EXOC3: variants seen among roughly 807,000 people sequenced by gnomAD.
EXOC3 encodes exocyst complex component 3, also known as SEC6-like 1.
Under a neutral mutation model 73.7 loss-of-function variants are expected in EXOC3, and 21 were observed. The ratio of observed to expected loss-of-function variants is 0.29; its 90% CI spans 0.20 to 0.41. The LOEUF (loss-of-function observed/expected upper bound fraction) is 0.41. EXOC3 is among the 10% of genes least tolerant of loss of function. The pLI is 1.00. For missense variants in EXOC3, 842 were observed against 985.1 expected, an observed-to-expected ratio of 0.85 and a Z score of 1.95; for synonymous variants, 410 against 389.1, an observed-to-expected ratio of 1.05 and a Z score of -0.63.
Position 457,987 on chromosome 5 carries a change from G to T in EXOC3, c.1252G>T (p.Gly418Trp), listed in dbSNP as rs1261712904. ...GACAGAGCCAGAAGCCGACCAGGAC[G>T]GGTACTACCAGACCACACTCCCTGC... ...KETEPEADQD[G>W]YYQTTLPAIV... The change falls in exon 6 of 13, where the codon GGG (glycine) becomes TGG (tryptophan). Residue 418 changes from glycine (G) to tryptophan (W), a missense_variant. By Grantham distance (184) the Gly-to-Trp change is radical. Transcript: ENST00000512944. 1 of 1,612,642 alleles carries T rather than the reference G, an allele frequency of 6.2e-7. No individual in the cohort carries two copies. Among genetic ancestry groups the T allele is most frequent in the Non-Finnish European group, 8.5e-7 (1 of 1,179,308 alleles).
intron 3 of EXOC3, among the ~76,000 whole-genome samples, chr5:450,107 G>A (rs1379260144): frequency 6.6e-5 from 10 of 152,100 alleles, no homozygotes; most frequent in South Asian, 4.2e-4. Context: ...TTAGCCGGGC[G>A]TGGTGGCAGG....
intron 6 of EXOC3, 89 bp from the exon 7 acceptor site, chr5:459,270 C>G: frequency 2.1e-6 from 1 of 465,832 alleles, no homozygotes; most frequent in Non-Finnish European, 3.7e-6. Flanking sequence ...TGCCAGTTAG[C>G]AGATGGAGGT....
At position 465,232 on chromosome 5, in the gene EXOC3, A is replaced by G; in HGVS notation, c.1898A>G (p.Glu633Gly). 6.3e-7 allele frequency: 1 copy of G among 1,592,098 alleles called. No individual in the cohort carries two copies. The highest frequency in any genetic ancestry group is 8.5e-7 in the Non-Finnish European group (1 of 1,169,716). ...RKEGAEKMVR[E>G]AEQLRFLFRK... The stretch of plus-strand genomic sequence containing the variant: ...GAGGGTGCCGAGAAGATGGTTAGGG[A>G]GGCAGAGCAGCTGCGCTTCCTGTTC... Residue 633 changes from glutamate (E) to glycine (G), a missense_variant, in exon 11 of 13, where the codon GAG becomes GGG. Physicochemically the swap from Glu to Gly is moderately conservative, Grantham distance 98. Coordinates refer to ENST00000512944, the MANE Select transcript of EXOC3 (RefSeq NM_007277.5).
At chr5:448,145 G>A (rs1391418273) in intron 3 of EXOC3, among the ~76,000 whole-genome samples, 3 of 152,250 alleles carry the variant, frequency 2.0e-5, no homozygotes, top group African/African-American at 7.2e-5. Flanking sequence ...GACAGAGCAA[G>A]CAGATCCCAG....
At chr5:460,475 CCACT>C (rs1269351233) in intron 7 of EXOC3, among the ~76,000 whole-genome samples, 2 of 152,214 alleles carry the variant, frequency 1.3e-5, no homozygotes, top group African/African-American at 4.8e-5. Flanking sequence ...GCCACGCCGC[CCACT>C]CAGAGTTCCC....
intron 3 of EXOC3, among the ~76,000 whole-genome samples, chr5:452,556 A>C (rs1352797926): frequency 1.3e-5 from 2 of 152,252 alleles, no homozygotes; most frequent in Non-Finnish European, 2.9e-5. Context: ...TGAATGGGCC[A>C]TACTTTCTTC....
At chr5:458,860 CCCTTT>C (rs2126583045) in intron 6 of EXOC3, among the ~76,000 whole-genome samples, 1 of 152,342 alleles carries the variant, frequency 6.6e-6, no homozygotes, top group South Asian at 2.1e-4. Flanking sequence ...CTAGTCCAAA[CCCTTT>C]CCTTTGTTTG....
In EXOC3 at chr5:455,435, G is replaced by A. The variant is rs536370180; in HGVS notation, c.1046+1384G>A. On this transcript the variant is annotated intron_variant, in intron 4 of 12. Coordinates refer to ENST00000512944, the MANE Select transcript of EXOC3 (RefSeq NM_007277.5). ...TAGAAACATTCTCACACGGAATTGAGGTTCTTGGGAAAAATAATCCAGATT... is the reference window on the plus strand; with the variant it reads ...TAGAAACATTCTCACACGGAATTGAAGTTCTTGGGAAAAATAATCCAGATT... 3.7e-4 allele frequency among the ~76,000 whole-genome samples: 56 copies of A among 152,346 alleles called. No individual in the cohort carries two copies. The South Asian group carries it at 0.011, about 30-fold the overall frequency.
chr5:446,309 G>C lies in EXOC3; in HGVS notation c.104G>C (p.Arg35Thr), dbSNP rs904656717. 1.9e-6 allele frequency: 3 copies of C among 1,613,360 alleles called. No homozygotes were observed. The highest frequency in any genetic ancestry group is 1.3e-5 in the African/African-American group (1 of 74,918). ...QLDKVEQYRR[R>T]EARKKASVEA... ...GACAAGGTGGAGCAGTATCGCAGGA[G>C]AGAAGCGCGGAAGAAGGCCTCCGTG... The change falls in exon 2 of 13, where the codon AGA becomes ACA. Residue 35 changes from arginine (R) to threonine (T), a missense_variant. Arg to Thr is a moderately conservative substitution (Grantham distance 71, BLOSUM62 -1). Coordinates refer to ENST00000512944, the MANE Select transcript of EXOC3 (RefSeq NM_007277.5).
At chr5:465,620 G>C in intron 11 of EXOC3, 98 bp from the exon 12 acceptor site, 1 of 1,461,958 alleles carries the variant, frequency 6.8e-7, no homozygotes, top group Non-Finnish European at 9.4e-7. Context: ...AGGTGAAGAG[G>C]GAGGTTCCCA....
intron 4 of EXOC3, among the ~76,000 whole-genome samples, chr5:456,402 G>A (rs951155085): frequency 6.9e-6 from 1 of 144,778 alleles, no homozygotes; most frequent in Non-Finnish European, 1.5e-5. Context: ...CTGTGGGGGC[G>A]GCTGTGCTTG....
At chr5:452,913 G>A (rs1042307220) in intron 3 of EXOC3, among the ~76,000 whole-genome samples, 1 of 152,248 alleles carries the variant, frequency 6.6e-6, no homozygotes, top group African/African-American at 2.4e-5. Flanking sequence ...GGAGCTCTGT[G>A]GGGGTGAGGA....
chr5:446,119 A>C, intron 1 of EXOC3, 31 bp from the exon 2 acceptor site: 1 of 1,523,734 alleles, frequency 6.6e-7, no homozygotes. Context: ...TTTTGTACCT[A>C]ACATTTCTAC....
intron 6 of EXOC3, among the ~76,000 whole-genome samples, chr5:458,479 C>T (rs1172126831): frequency 2.0e-5 from 3 of 152,242 alleles, no homozygotes; most frequent in Non-Finnish European, 4.4e-5. Context: ...TCTTGGCTTA[C>T]TGCAATCTCT....
intron 12 of EXOC3, chr5:466,060 A>G: frequency 9.1e-6 from 3 of 330,710 alleles, no homozygotes; most frequent in South Asian, 3.2e-5. Flanking sequence ...GGGTGGGTGG[A>G]GCTCGAGGGG....
chr5:464,837 G>T (rs1738092228), intron 10 of EXOC3: 1 of 529,752 alleles, frequency 1.9e-6, no homozygotes, highest in African/African-American at 1.9e-5. Context: ...GGGCCTGTCT[G>T]TGGACCGAGT....
intron 4 of EXOC3, among the ~76,000 whole-genome samples, chr5:455,821 G>T (rs1403377184): frequency 1.3e-5 from 2 of 151,990 alleles, no homozygotes; most frequent in Non-Finnish European, 2.9e-5. Context: ...AGCCAGGATG[G>T]TCTCAATCTC....
chr5:465,387 G>A, intron 11 of EXOC3, 115 bp downstream of exon 11: 1 of 1,222,900 alleles, frequency 8.2e-7, no homozygotes, highest in Non-Finnish European at 1.1e-6. Flanking sequence ...TGTCAGGCGG[G>A]GGGAGCCTGG....
At chr5:444,447 A>G (rs563671726) in intron 1 of EXOC3, among the ~76,000 whole-genome samples, 357 of 152,282 alleles carry the variant, frequency 2.3e-3, no homozygotes, top group Non-Finnish European at 4.1e-3. Flanking sequence ...GGGCGCAGCC[A>G]CCTCACCGCG....
Sources: gnomAD v4.1 joint callset for allele counts (sites outside exome capture counted in the v4.1 genomes callset) on GRCh38, gnomAD v4.1.1 for gene constraint, MANE v1.5 for transcripts, NCBI Gene and HGNC (gene_info 2026-07-23, HGNC 2026-07-21) for gene names.